The following SPRED1 variants were observed in gnomAD, a reference collection of about 807,000 sequenced individuals.
SPRED1 encodes the protein sprouty-related, EVH1 domain-containing protein 1.
Under a neutral mutation model 52.3 loss-of-function variants are expected in SPRED1, and 18 were observed. The observed-to-expected ratio is 0.34, with a 90% CI of 0.24 to 0.51. The LOEUF (loss-of-function observed/expected upper bound fraction) is 0.51. SPRED1 is among the 20% of genes least tolerant of loss of function. The pLI is 0.97. For synonymous variants in SPRED1, 155 were observed against 179.7 expected, an observed-to-expected ratio of 0.86 and a Z score of 1.10; for missense variants, 485 against 551.0, an observed-to-expected ratio of 0.88 and a Z score of 1.20.
Position 38,324,769 on chromosome 15 carries a change from C to T in SPRED1, c.383C>T (p.Pro128Leu). Reference protein sequence around the residue: ...RAIEDISQGCPESKNEAEGAD... With the variant: ...RAIEDISQGCLESKNEAEGAD... ...CTTTTATCTATTTTCTTAGGATGCCCCGAATCAAAAAATGAAGCTGAAGGG... is the reference window on the plus strand; with the variant it reads ...CTTTTATCTATTTTCTTAGGATGCCTCGAATCAAAAAATGAAGCTGAAGGG... The change falls in exon 4 of 7, where the codon CCC (proline) becomes CTC (leucine). Residue 128 changes from proline (P) to leucine (L), a missense_variant. Pro to Leu is a moderately conservative substitution (Grantham distance 98). Around this residue, in one of 5 missense-constraint regions of SPRED1, gnomAD observed 232 missense variants for 231.8 expected, o/e 1.00. Coordinates refer to ENST00000299084, the MANE Select transcript of SPRED1 (RefSeq NM_152594.3). 6.2e-7 allele frequency: 1 copy of T among 1,608,824 alleles called. No homozygotes were observed. Among genetic ancestry groups the T allele is most frequent in the Non-Finnish European group, 8.5e-7 (1 of 1,177,678 alleles).
At chr15:38,285,449 G>A (rs1299397715) in intron 1 of SPRED1, among the ~76,000 whole-genome samples, 1 of 152,146 alleles carries the variant, frequency 6.6e-6, no homozygotes, top group Admixed American at 6.5e-5. Context: ...GTAAAGCAGC[G>A]AGTCTTTTGT....
intron 5 of SPRED1, among the ~76,000 whole-genome samples, chr15:38,342,685 T>G (rs1302581917): frequency 6.6e-6 from 1 of 152,150 alleles, no homozygotes; most frequent in Non-Finnish European, 1.5e-5. Context: ...GAGAAGAAGT[T>G]TCTACCCTTC....
intron 1 of SPRED1, among the ~76,000 whole-genome samples, chr15:38,285,784 T>C (rs928384923): frequency 6.6e-6 from 1 of 152,252 alleles, no homozygotes; most frequent in Non-Finnish European, 1.5e-5. Context: ...TTAAAGCTCA[T>C]GTTTTTCAAG....
rs573034250 is a variant in SPRED1 at position 38,295,759 on chromosome 15, G to A, written c.33-3614G>A. Among the ~76,000 whole-genome samples, 3 of 152,156 alleles carry A rather than the reference G, an allele frequency of 2.0e-5. No individual in the cohort carries two copies. The East Asian group carries it at 5.8e-4, about 29-fold the overall frequency. Reference sequence around the variant, plus strand: ...ATTTTACCTCATAATTGAACATCTGGTTAATGTAAGTATTATAAGCTTATA... The same window carrying A: ...ATTTTACCTCATAATTGAACATCTGATTAATGTAAGTATTATAAGCTTATA... On this transcript the variant is annotated intron_variant, in intron 1 of 6. Transcript: ENST00000299084.
At chr15:38,253,318 C>A in intron 1 of SPRED1, 101 bp downstream of exon 1, 1 of 1,153,970 alleles carries the variant, frequency 8.7e-7, no homozygotes, top group Non-Finnish European at 1.3e-6. Flanking sequence ...AAGCTTGCGA[C>A]CCTGGAGAGT....
At chr15:38,335,330 A>G (rs1895891369) in intron 4 of SPRED1, among the ~76,000 whole-genome samples, 1 of 152,118 alleles carries the variant, frequency 6.6e-6, no homozygotes. Flanking sequence ...TGCCTGAAGA[A>G]TAATGGGACA....
At chr15:38,307,762 G>A (rs1895279926) in intron 2 of SPRED1, among the ~76,000 whole-genome samples, 1 of 152,060 alleles carries the variant, frequency 6.6e-6, no homozygotes, top group African/African-American at 2.4e-5. Context: ...GCTAGTGCTA[G>A]TTTTTCTCAT....
At chr15:38,338,216 GAAAA>G (rs1282047400) in intron 4 of SPRED1, among the ~76,000 whole-genome samples, 1 of 125,458 alleles carries the variant, frequency 8.0e-6, no homozygotes, top group Non-Finnish European at 1.7e-5. Flanking sequence ...CATTTCAAAA[GAAAA>G]AAAAAAGGAA....
intron 5 of SPRED1, among the ~76,000 whole-genome samples, chr15:38,347,385 A>G (rs1896160227): frequency 6.7e-6 from 1 of 149,698 alleles, no homozygotes; most frequent in African/African-American, 2.5e-5. Context: ...TGTCATCTTT[A>G]CTGTAGAAAT....
chr15:38,305,292 A>G (rs1466490721), intron 2 of SPRED1, among the ~76,000 whole-genome samples: 1 of 151,370 alleles, frequency 6.6e-6, no homozygotes. Context: ...AGATCACGCC[A>G]TTGCACTCCA....
intron 6 of SPRED1, among the ~76,000 whole-genome samples, chr15:38,349,927 A>G (rs1184956878): frequency 2.0e-5 from 3 of 152,122 alleles, no homozygotes; most frequent in African/African-American, 7.2e-5. Context: ...AAAGATACAA[A>G]TTTGTCTACT....
In SPRED1 at chr15:38,351,537, G is replaced by A. The variant is rs772476060; in HGVS notation, c.1208G>A (p.Arg403Gln). 6.2e-6 allele frequency: 10 copies of A among 1,613,992 alleles called. No homozygotes were observed. Among genetic ancestry groups the A allele is most frequent in the South Asian group, 4.4e-5 (4 of 91,084 alleles). Residue 403 changes from arginine to glutamine, a missense_variant, in exon 7 of 7, where the codon CGA becomes CAA. By Grantham distance (43) the Arg-to-Gln change is conservative. Coordinates refer to ENST00000299084, the MANE Select transcript of SPRED1 (RefSeq NM_152594.3). ...CDTSDDKFCL[R>Q]WLALVALSFI... ...ACTAGCGACGACAAGTTCTGCTTGC[G>A]ATGGTTAGCCCTGGTAGCTTTGTCT...
chr15:38,332,641 G>T (rs1895828607), intron 4 of SPRED1, among the ~76,000 whole-genome samples: 1 of 151,996 alleles, frequency 6.6e-6, no homozygotes, highest in Non-Finnish European at 1.5e-5. Context: ...TTTTTCTAAT[G>T]TATCACATTT....
intron 2 of SPRED1, among the ~76,000 whole-genome samples, chr15:38,306,870 AT>A (rs1895260843): frequency 6.6e-6 from 1 of 152,018 alleles, no homozygotes; most frequent in African/African-American, 2.4e-5. Context: ...CATCTGACAT[AT>A]TTCCTCTTTA....
intron 4 of SPRED1, among the ~76,000 whole-genome samples, chr15:38,330,484 A>G (rs1294351245): frequency 2.0e-5 from 3 of 152,152 alleles, no homozygotes; most frequent in Non-Finnish European, 4.4e-5. Flanking sequence ...AATGAATTGC[A>G]ACTGGAAACA....
At chr15:38,301,999 C>T (rs1895158170) in intron 2 of SPRED1, among the ~76,000 whole-genome samples, 2 of 151,828 alleles carry the variant, frequency 1.3e-5, no homozygotes, top group Non-Finnish European at 2.9e-5. Context: ...AGTAGTAGTT[C>T]TGATGTAATA....
intron 1 of SPRED1, among the ~76,000 whole-genome samples, chr15:38,282,398 T>C (rs6495956): frequency 0.78 from 117,375 of 151,428 alleles, 46,882 homozygotes; most frequent in Non-Finnish European, 0.87. Context: ...TTCCCACCAC[T>C]TGGGAGGCTG....
At chr15:38,325,306 A>G (rs1895692755) in intron 4 of SPRED1, among the ~76,000 whole-genome samples, 1 of 152,244 alleles carries the variant, frequency 6.6e-6, no homozygotes, top group Non-Finnish European at 1.5e-5. Context: ...AGGTGTATAA[A>G]CATAAATTTC....
chr15:38,277,597 T>C (rs1255113300), intron 1 of SPRED1, among the ~76,000 whole-genome samples: 1 of 152,230 alleles, frequency 6.6e-6, no homozygotes, highest in African/African-American at 2.4e-5. Context: ...GCATGTGTCT[T>C]TATGGTAGAA....
Sources: allele counts gnomAD v4.1 joint callset (sites outside exome capture counted in the v4.1 genomes callset), GRCh38; gene constraint gnomAD v4.1.1; regional missense constraint gnomAD v4.1.1; transcripts MANE v1.5; gene names NCBI Gene and HGNC (gene_info 2026-07-23, HGNC 2026-07-21).